Variants in LDHAL6A observed in about 807,000 individuals in gnomAD.
LDHAL6A encodes lactate dehydrogenase A like 6A.
A neutral mutation model predicts 28.2 loss-of-function variants in LDHAL6A; 19 were observed. The ratio of observed to expected loss-of-function variants is 0.67; its 90% CI spans 0.47 to 0.99. The LOEUF (loss-of-function observed/expected upper bound fraction) is 0.99. Ranked by LOEUF, LDHAL6A falls within the 50% of genes least tolerant of loss-of-function variation. The probability of loss-of-function intolerance (pLI) is 0.00; values close to 1 mark genes in which losing one functional copy is unlikely to be tolerated. For missense variants in LDHAL6A, 372 were observed against 398.6 expected (o/e 0.93, Z 0.57); for synonymous variants, 144 against 134.4 (o/e 1.07, Z -0.49).
At chr11:18,478,508 C>T (rs1010636457) in intron 6 of LDHAL6A, among the ~76,000 whole-genome samples, 198 bp from the exon 7 acceptor site, 11 of 151,744 alleles carry the variant, frequency 7.2e-5, no homozygotes, top group East Asian at 3.9e-4. Flanking sequence ...TGCAGTGAGC[C>T]GAGATCGTGC....
At chr11:18,470,875 C>T (rs142905756) in intron 3 of LDHAL6A, among the ~76,000 whole-genome samples, 93 of 151,980 alleles carry the variant, frequency 6.1e-4, no homozygotes, top group African/African-American at 2.1e-3. Context: ...TTAGTAGAGA[C>T]GGGGTTTCAC....
At chr11:18,466,504 A>G (rs1849077730) in intron 3 of LDHAL6A, among the ~76,000 whole-genome samples, 1 of 151,980 alleles carries the variant, frequency 6.6e-6, no homozygotes, top group Non-Finnish European at 1.5e-5. Flanking sequence ...AAATACAAAA[A>G]TTATCAGGGC....
chr11:18,461,865 A>G (rs1159003383), intron 1 of LDHAL6A, among the ~76,000 whole-genome samples: 3 of 151,412 alleles, frequency 2.0e-5, no homozygotes, highest in Non-Finnish European at 4.4e-5. Flanking sequence ...AAAAAGAAAA[A>G]AAAAAAAAAA....
chr11:18,470,583 T>A (rs1377015732), intron 3 of LDHAL6A, among the ~76,000 whole-genome samples: 1 of 152,210 alleles, frequency 6.6e-6, no homozygotes, highest in Non-Finnish European at 1.5e-5. Context: ...TTTTGGCAAA[T>A]CATGGATAAA....
chr11:18,475,526 G>A lies in LDHAL6A; in HGVS notation c.479G>A (p.Gly160Glu). ...LSGFPKNRVI[G>E]SGCNLDSARF... ...GGATTTCCCAAAAACCGTGTTATTG[G>A]AAGTGGTTGTAATCTGGACTCTGCT... Residue 160 changes from glycine to glutamate, a missense_variant, in exon 4 of 7, where the codon GGA (glycine) becomes GAA (glutamate). Gly to Glu is a moderately conservative substitution (Grantham distance 98). Around this residue, in one of 3 missense-constraint regions of LDHAL6A, gnomAD observed 291 missense variants for 302.9 expected, o/e 0.96. Coordinates refer to ENST00000280706, the MANE Select transcript of LDHAL6A (RefSeq NM_144972.5). The A allele has an allele frequency of 6.2e-7, 1 of 1,614,092 alleles. No individual in the cohort carries two copies. Among genetic ancestry groups the A allele is most frequent in the Non-Finnish European group, 8.5e-7 (1 of 1,179,966 alleles).
Position 18,465,641 on chromosome 11 carries a change from C to T in LDHAL6A, c.249C>T (p.Tyr83=). 6.2e-7 allele frequency: 1 copy of T among 1,611,350 alleles called. No homozygotes were observed. Among genetic ancestry groups the T allele is most frequent in the South Asian group, 1.1e-5 (1 of 90,558 alleles). ...TTTATTCTAATCTTTCCTCAGATTA[C>T]CTGGTCACTGCAAACTCCAATCTAG... ...KMPNIVSSKD[Y]LVTANSNLVI... The change falls in exon 3 of 7, where the codon TAC becomes TAT. Residue 83 remains tyrosine (Y), a synonymous_variant. Coordinates refer to ENST00000280706, the MANE Select transcript of LDHAL6A (RefSeq NM_144972.5).
intron 3 of LDHAL6A, among the ~76,000 whole-genome samples, chr11:18,466,651 C>CA (rs67371371): frequency 0.17 from 13,122 of 79,102 alleles, 1,038 homozygotes; most frequent in African/African-American, 0.26. Context: ...GACCCTGTCT[C>CA]AAAAAAAAAA....
intron 1 of LDHAL6A, among the ~76,000 whole-genome samples, chr11:18,461,077 A>T (rs1423953113): frequency 1.3e-5 from 2 of 151,784 alleles, no homozygotes; most frequent in Admixed American, 6.6e-5. Context: ...ACCCCAGGTG[A>T]TCCGCCCGCC....
In LDHAL6A at chr11:18,456,445, C is replaced by T; in HGVS notation, c.-236C>T. 2.0e-6 allele frequency: 1 copy of T among 496,564 alleles called. No homozygotes were observed. 30.8% of individuals were successfully genotyped at this position (496,564 alleles called of 1,614,324 possible). A position where few individuals can be genotyped will look rare whatever the true frequency, so the allele number is the denominator to read the frequency against. ...TTAATTCCTCTTAACTGTACTCACG[C>T]TTCCTTCTCCTTCCCCTGGTCCGCT... On this transcript the variant is annotated 5_prime_UTR_variant, in exon 1 of 7. Transcript: ENST00000280706.
chr11:18,476,339 G>A, intron 4 of LDHAL6A, 45 bp from the exon 5 acceptor site: 2 of 1,596,828 alleles, frequency 1.3e-6, no homozygotes, highest in South Asian at 1.1e-5. Flanking sequence ...CCAAAACCCT[G>A]CTAATACCAT....
intron 3 of LDHAL6A, among the ~76,000 whole-genome samples, chr11:18,468,046 T>TAC (rs1849161208): frequency 1.5e-4 from 2 of 13,038 alleles, no homozygotes; most frequent in Non-Finnish European, 4.9e-4. Context: ...TACATATATA[T>TAC]ACGTATATAT....
rs1286872435 is a variant in LDHAL6A, at chr11:18,467,944, C to T, written c.418+2134C>T. Among the ~76,000 whole-genome samples, 90 of 56,712 alleles carry T rather than the reference C, an allele frequency of 1.6e-3. 7 individuals are homozygous for T. Among genetic ancestry groups the T allele is most frequent in the African/African-American group, 6.8e-3 (78 of 11,494 alleles). The allele number at this position is 56,712 out of a possible 152,430, so 37.2% of individuals were successfully genotyped here. On this transcript the variant is annotated intron_variant, in intron 3 of 6. Transcript: ENST00000280706. ...ACACACACATATATATATACACACA[C>T]ATATATATATACGTATATATATACG...
Position 18,464,063 on chromosome 11 carries a change from A to G in LDHAL6A, c.229A>G (p.Ile77Val). 1 of 1,605,888 alleles carries G rather than the reference A, an allele frequency of 6.2e-7. No individual in the cohort carries two copies. Among genetic ancestry groups the G allele is most frequent in the Non-Finnish European group, 8.5e-7 (1 of 1,172,468 alleles). The part of the protein sequence containing the change: ...HGSPFMKMPN[I>V]VSSKDYLVTA... ...CAGCCCTTTTATGAAAATGCCAAAT[A>G]TTGTCTCCAGCAAAGGTTAATGTCA... Residue 77 changes from isoleucine to valine, a missense_variant, in exon 2 of 7, where the codon ATT becomes GTT. By Grantham distance (29) the Ile-to-Val change is conservative. Transcript: ENST00000280706.
chr11:18,456,786 G>A lies in LDHAL6A; in HGVS notation c.106G>A (p.Ala36Thr), dbSNP rs1295161000. 3.7e-6 allele frequency: 6 copies of A among 1,613,054 alleles called. No individual in the cohort carries two copies. The highest frequency in any genetic ancestry group is 5.1e-6 in the Non-Finnish European group (6 of 1,179,836). ...AACTGGATCGGTTGGTGTGGCTTGTGCTATCAGCATCTTATTAAAAGTAAG... is the reference window on the plus strand; with the variant it reads ...AACTGGATCGGTTGGTGTGGCTTGTACTATCAGCATCTTATTAAAAGTAAG... ...VGTGSVGVAC[A>T]ISILLKGLSD... The change falls in exon 1 of 7, where the codon GCT becomes ACT. Residue 36 changes from alanine to threonine, a missense_variant. Ala to Thr is a moderately conservative substitution (Grantham distance 58). This residue lies in a region of LDHAL6A where 77 missense variants were observed against 77.9 expected (regional missense o/e 0.99). Transcript: ENST00000280706.
chr11:18,464,240 T>C (rs751146638), intron 2 of LDHAL6A, among the ~76,000 whole-genome samples, 162 bp downstream of exon 2: 2 of 152,224 alleles, frequency 1.3e-5, no homozygotes, highest in Non-Finnish European at 2.9e-5. Flanking sequence ...GGTTGTACTT[T>C]GCAAGGTTTC....
intron 1 of LDHAL6A, among the ~76,000 whole-genome samples, chr11:18,461,661 C>T (rs1590246698): frequency 6.6e-6 from 1 of 151,282 alleles, no homozygotes; most frequent in African/African-American, 2.4e-5. Context: ...CCAGCCTGGC[C>T]AACATGGTGA....
chr11:18,478,760 G>A lies in LDHAL6A; in HGVS notation c.889G>A (p.Glu297Lys). 1 of 1,612,784 alleles carries A rather than the reference G, an allele frequency of 6.2e-7. No homozygotes were observed. The highest frequency in any genetic ancestry group is 8.5e-7 in the Non-Finnish European group (1 of 1,178,866). Residue 297 changes from glutamate to lysine, a missense_variant, in exon 7 of 7, where the codon GAG (glutamate) becomes AAG (lysine). Glu to Lys is a moderately conservative substitution (Grantham distance 56). This residue lies in a region of LDHAL6A where 291 missense variants were observed against 302.9 expected (regional missense o/e 0.96). Transcript: ENST00000280706. ...CCTTAGTGTCCCATGTATCCTGGGA[G>A]AGAATGGTATCACAGACCTCATAAA... ...IFLSVPCILGENGITDLIKVK... is the reference protein window; with the variant it reads ...IFLSVPCILGKNGITDLIKVK...
rs144354173 is a variant in LDHAL6A at position 18,474,618 on chromosome 11, C to T, written c.419-848C>T. 7.5e-3 allele frequency among the ~76,000 whole-genome samples: 1,140 copies of T among 151,932 alleles called. 9 individuals are homozygous for T. The highest frequency in any genetic ancestry group is 0.026 in the African/African-American group (1,080 of 41,442). On this transcript the variant is annotated intron_variant, in intron 3 of 6. Transcript: ENST00000280706. ...GCCAGGATGGTGTCAATCTCTTGAC[C>T]TCAGGTAATCCACTGGCTTCGGCCT...
chr11:18,465,104 C>T (rs1242517759), intron 2 of LDHAL6A, among the ~76,000 whole-genome samples: 3 of 151,364 alleles, frequency 2.0e-5, no homozygotes, highest in Non-Finnish European at 2.9e-5. Flanking sequence ...GTAACTGGGA[C>T]TATAGGAGTG....
Sources: gnomAD v4.1 joint callset for allele counts (sites outside exome capture counted in the v4.1 genomes callset) on GRCh38, gnomAD v4.1.1 for gene constraint, gnomAD v4.1.1 regional missense constraint, MANE v1.5 for transcripts, NCBI Gene and HGNC (gene_info 2026-07-23, HGNC 2026-07-21) for gene names.